Variants in FGF14 observed in about 807,000 individuals in gnomAD.
The protein encoded by FGF14 is fibroblast growth factor homologous factor 4.
In FGF14, 5 loss-of-function variants were observed where a neutral mutation model predicts 25.5. The ratio of observed to expected loss-of-function variants is 0.20; its 90% confidence interval spans 0.10 to 0.41. The LOEUF (loss-of-function observed/expected upper bound fraction) is 0.41, where lower values mean the gene tolerates loss of function less well. Ranked by LOEUF, FGF14 falls within the 10% of genes least tolerant of loss-of-function variation. The pLI is 1.00. For synonymous variants in FGF14, 138 were observed against 118.3 expected (o/e 1.17, Z -1.08); for missense variants, 222 against 320.1 (o/e 0.69, Z 2.34).
chr13:102,352,113 T>C (rs543026921), intron 1 of FGF14, among the ~76,000 whole-genome samples: 6 of 152,292 alleles, frequency 3.9e-5, no homozygotes, highest in South Asian at 4.1e-4. Context: ...CCTCATATTA[T>C]ATAAATATGG....
chr13:101,758,088 AG>A (rs1202757099), intron 3 of FGF14, among the ~76,000 whole-genome samples: 2 of 152,218 alleles, frequency 1.3e-5, no homozygotes, highest in African/African-American at 2.4e-5. Flanking sequence ...AGAAAATAAG[AG>A]CAGTGTTTGT....
chr13:101,777,964 CAAAAT>C lies in FGF14; in HGVS notation c.409-51159_409-51155del, dbSNP rs777661919. On this transcript the variant is annotated intron_variant, in intron 3 of 4. Transcript: ENST00000376143. ...GGGTGACAAGAGCAAGACTCCATCTCAAAATAAAATAAAATAAAACCCAGAGGGGA... is the reference window on the plus strand; with the variant it reads ...GGGTGACAAGAGCAAGACTCCATCTCAAAATAAAATAAAACCCAGAGGGGA... Among the ~76,000 whole-genome samples, 7 of 152,152 alleles carry C rather than the reference CAAAAT, an allele frequency of 4.6e-5. No homozygotes were observed. The South Asian group carries it at 1.2e-3, about 27-fold the overall frequency.
intron 1 of FGF14, among the ~76,000 whole-genome samples, chr13:101,960,230 G>C (rs1238637892): frequency 6.6e-6 from 1 of 152,084 alleles, no homozygotes; most frequent in Non-Finnish European, 1.5e-5. Flanking sequence ...TGGGACATAT[G>C]GGCAGTGTGC....
At chr13:101,743,986 A>G (rs1411031606) in intron 3 of FGF14, among the ~76,000 whole-genome samples, 5 of 152,150 alleles carry the variant, frequency 3.3e-5, no homozygotes, top group African/African-American at 4.8e-5. Context: ...AAGTTCCAAA[A>G]TAAGAGTTAA....
At chr13:101,930,365 T>C (rs915299189) in intron 1 of FGF14, among the ~76,000 whole-genome samples, 15 of 146,748 alleles carry the variant, frequency 1.0e-4, no homozygotes, top group African/African-American at 4.1e-4. Context: ...TATTGCTCTC[T>C]TTATGGTCAT....
intron 1 of FGF14, among the ~76,000 whole-genome samples, chr13:102,253,691 T>A (rs887678314): frequency 6.6e-5 from 10 of 152,242 alleles, no homozygotes; most frequent in Non-Finnish European, 8.8e-5. Context: ...GTGTCTATTT[T>A]GGCTTTTGCT....
At chr13:102,260,482 T>C (rs1473045077) in intron 1 of FGF14, among the ~76,000 whole-genome samples, 1 of 152,236 alleles carries the variant, frequency 6.6e-6, no homozygotes, top group Non-Finnish European at 1.5e-5. Context: ...GCTTTCATGA[T>C]GGTTCCATGG....
chr13:101,837,186 G>T (rs1216672916), intron 3 of FGF14, among the ~76,000 whole-genome samples: 1 of 151,934 alleles, frequency 6.6e-6, no homozygotes, highest in Admixed American at 6.6e-5. Flanking sequence ...GTGTGTGTAT[G>T]TGTGTTTGTG....
chr13:102,327,206 T>G (rs2056483439), intron 1 of FGF14, among the ~76,000 whole-genome samples: 1 of 152,212 alleles, frequency 6.6e-6, no homozygotes, highest in Non-Finnish European at 1.5e-5. Context: ...TTCTTTACTT[T>G]CAGTAACATT....
chr13:101,816,269 C>CAAAAAAAA (rs58615099), intron 3 of FGF14, among the ~76,000 whole-genome samples: 25 of 89,042 alleles, frequency 2.8e-4, no homozygotes, highest in African/African-American at 7.9e-4. Context: ...GACTCCGTCT[C>CAAAAAAAA]AAAAAAAAAA....
chr13:102,284,136 G>C (rs1332920148), intron 1 of FGF14, among the ~76,000 whole-genome samples: 1 of 152,210 alleles, frequency 6.6e-6, no homozygotes. Flanking sequence ...TCCCCCGCAA[G>C]AGAGAGCAGC....
rs371175368 is a variant in FGF14 at position 102,000,098 on chromosome 13, G to A, written c.209-124802C>T. Reference sequence around the variant, plus strand: ...TGGGAGGCCGAGGCGGGCGGATCACGAGGTCAGGAGATCGAGACCATCCTG... The same window carrying A: ...TGGGAGGCCGAGGCGGGCGGATCACAAGGTCAGGAGATCGAGACCATCCTG... On this transcript the variant is annotated intron_variant, in intron 1 of 4. Coordinates refer to the FGF14 transcript ENST00000376131. Among the ~76,000 whole-genome samples the A allele has an allele frequency of 5.3e-5, 8 of 152,226 alleles. No individual in the cohort carries two copies. In the East Asian group the frequency reaches 5.8e-4, roughly 11 times the overall value.
chr13:102,174,982 G>A (rs2048386395), intron 1 of FGF14, among the ~76,000 whole-genome samples: 1 of 152,034 alleles, frequency 6.6e-6, no homozygotes, highest in African/African-American at 2.4e-5. Flanking sequence ...AACATTCCAA[G>A]CTCATAGACA....
At chr13:102,038,468 T>A (rs1368581849) in intron 1 of FGF14, among the ~76,000 whole-genome samples, 2 of 152,138 alleles carry the variant, frequency 1.3e-5, no homozygotes, top group Non-Finnish European at 2.9e-5. Context: ...AGTTATATTA[T>A]CCATTTTTCT....
chr13:102,011,521 T>G (rs149933995), intron 1 of FGF14, among the ~76,000 whole-genome samples: 2 of 146,748 alleles, frequency 1.4e-5, no homozygotes, highest in Non-Finnish European at 3.0e-5. Context: ...GCTGAGAGCA[T>G]AGAGAGCAGC....
intron 1 of FGF14, among the ~76,000 whole-genome samples, chr13:102,370,500 C>A (rs2057846682): frequency 6.6e-6 from 1 of 152,008 alleles, no homozygotes; most frequent in Non-Finnish European, 1.5e-5. Context: ...ATCCTCCCAC[C>A]TCGGCCTCCT....
At chr13:101,820,794 A>AC (rs2042092679) in intron 3 of FGF14, among the ~76,000 whole-genome samples, 3 of 124,372 alleles carry the variant, frequency 2.4e-5, no homozygotes, top group East Asian at 2.0e-4. Context: ...ACACACACAC[A>AC]CACACACACA....
intron 1 of FGF14, among the ~76,000 whole-genome samples, chr13:102,300,690 A>AG: frequency 6.6e-6 from 1 of 152,212 alleles, no homozygotes; most frequent in Non-Finnish European, 1.5e-5. Context: ...TACTGTACCC[A>AG]TTACCCAGTA....
intron 3 of FGF14, among the ~76,000 whole-genome samples, chr13:101,828,109 T>TAC (rs575749670): frequency 2.6e-5 from 4 of 151,960 alleles, no homozygotes; most frequent in Non-Finnish European, 5.9e-5. Flanking sequence ...TAAATATGCA[T>TAC]ACACACACAC....
Sources: gnomAD v4.1 joint callset for allele counts (sites outside exome capture counted in the v4.1 genomes callset) on GRCh38, gnomAD v4.1.1 for gene constraint, MANE v1.5 for transcripts, NCBI Gene and HGNC (gene_info 2026-07-23, HGNC 2026-07-21) for gene names.